Variants in RSRC1 observed in about 807,000 individuals in gnomAD.
The protein encoded by RSRC1 is arginine and serine rich coiled-coil 1, also known as serine/Arginine-related protein 53.
A neutral mutation model predicts 49.1 loss-of-function variants in RSRC1; 39 were observed. The observed-to-expected ratio is 0.79, with a 90% confidence interval of 0.61 to 1.04. The LOEUF (loss-of-function observed/expected upper bound fraction) is 1.04, where lower values mean the gene tolerates loss of function less well. Among genes scored for constraint, RSRC1 ranks in the 50% least tolerant of loss-of-function variants. RSRC1 has a pLI of 0.00. For missense variants in RSRC1, 388 were observed against 402.4 expected (o/e 0.96, Z 0.31); for synonymous variants, 143 against 130.8 (o/e 1.09, Z -0.63).
At chr3:158,474,404 G>A (rs950495723) in intron 7 of RSRC1, among the ~76,000 whole-genome samples, 1 of 152,186 alleles carries the variant, frequency 6.6e-6, no homozygotes, top group Non-Finnish European at 1.5e-5. Flanking sequence ...TGAGCCTTCA[G>A]CAAGTTGCAG....
chr3:158,119,780 A>G lies in RSRC1; in HGVS notation c.-2-2323A>G, dbSNP rs1237687552. ...CTGAATTATGTTTGTATTTAAATGT[A>G]TGTTTGTATTTACATATATATACAT... On this transcript the variant is annotated intron_variant, in intron 1 of 9. Coordinates refer to ENST00000611884, the MANE Select transcript of RSRC1 (RefSeq NM_001271838.2). 2.7e-5 allele frequency among the ~76,000 whole-genome samples: 4 copies of G among 150,356 alleles called. No homozygotes were observed. In the East Asian group the frequency reaches 7.8e-4, roughly 29 times the overall value.
intron 4 of RSRC1, among the ~76,000 whole-genome samples, chr3:158,272,195 A>G (rs1165208171): frequency 6.6e-6 from 1 of 152,126 alleles, no homozygotes; most frequent in Non-Finnish European, 1.5e-5. Flanking sequence ...TTCCCTGCAC[A>G]ACTTTTTGTG....
chr3:158,133,742 A>G (rs1716185834), intron 3 of RSRC1, among the ~76,000 whole-genome samples: 1 of 152,204 alleles, frequency 6.6e-6, no homozygotes, highest in Non-Finnish European at 1.5e-5. Flanking sequence ...ATCATATTAG[A>G]TGCTGATGTG....
chr3:158,302,780 G>A, intron 5 of RSRC1: 1 of 147,664 alleles, frequency 6.8e-6, no homozygotes, highest in Non-Finnish European at 1.5e-5. Context: ...TCCTGTCTCA[G>A]CCTCCTGAGT....
chr3:158,339,576 GA>G (rs1160089219), intron 5 of RSRC1, among the ~76,000 whole-genome samples: 1 of 152,072 alleles, frequency 6.6e-6, no homozygotes, highest in Non-Finnish European at 1.5e-5. Context: ...CCAGCTCTTT[GA>G]GTTGGATGAA....
At chr3:158,367,090 C>A (rs1437230418) in intron 6 of RSRC1, among the ~76,000 whole-genome samples, 1 of 152,168 alleles carries the variant, frequency 6.6e-6, no homozygotes, top group Admixed American at 6.5e-5. Context: ...CATCTGCAAA[C>A]AGCAACAATT....
chr3:158,214,760 G>A (rs1221925628), intron 4 of RSRC1, among the ~76,000 whole-genome samples: 1 of 151,554 alleles, frequency 6.6e-6, no homozygotes, highest in East Asian at 1.9e-4. Flanking sequence ...ACTGATTCTA[G>A]CTTCATTTCA....
chr3:158,336,455 G>A (rs1047375793), intron 5 of RSRC1: 1 of 159,024 alleles, frequency 6.3e-6, no homozygotes, highest in Non-Finnish European at 1.4e-5. Flanking sequence ...AGGGTCACTG[G>A]GGTGAGACCA....
In RSRC1 at chr3:158,444,737, A is replaced by G. The variant is rs554841046; in HGVS notation, c.584-16198A>G. Among the ~76,000 whole-genome samples, 3 of 152,292 alleles carry G rather than the reference A, an allele frequency of 2.0e-5. No individual in the cohort carries two copies. The East Asian group carries it at 5.8e-4, about 29-fold the overall frequency. On this transcript the variant is annotated intron_variant, in intron 6 of 9. Coordinates refer to ENST00000611884, the MANE Select transcript of RSRC1 (RefSeq NM_001271838.2). ...TGAACAGGCAACCTGCAGAGTAGGA[A>G]AATTTTTTGCAATCTACTCATCTGA...
At chr3:158,259,789 C>G (rs1051591842) in intron 4 of RSRC1, among the ~76,000 whole-genome samples, 26 of 152,164 alleles carry the variant, frequency 1.7e-4, no homozygotes, top group African/African-American at 6.3e-4. Context: ...ACCTAAGCTG[C>G]AAGGCAAAGT....
chr3:158,191,528 G>A (rs1175550808), intron 3 of RSRC1, among the ~76,000 whole-genome samples: 1 of 151,970 alleles, frequency 6.6e-6, no homozygotes, highest in Non-Finnish European at 1.5e-5. Context: ...TTTATGTAGA[G>A]ATGTTGCAGG....
chr3:158,356,385 A>G (rs1211795458), intron 6 of RSRC1, among the ~76,000 whole-genome samples: 1 of 152,098 alleles, frequency 6.6e-6, no homozygotes, highest in African/African-American at 2.4e-5. Context: ...TCCACAGTCT[A>G]AAGATTGGGA....
At chr3:158,528,243 G>T (rs1317545479) in intron 7 of RSRC1, among the ~76,000 whole-genome samples, 3 of 151,900 alleles carry the variant, frequency 2.0e-5, no homozygotes, top group Non-Finnish European at 2.9e-5. Flanking sequence ...CAGCGTAAAA[G>T]AATAGCATAA....
At chr3:158,277,909 C>T (rs1725907636) in intron 4 of RSRC1, among the ~76,000 whole-genome samples, 1 of 152,168 alleles carries the variant, frequency 6.6e-6, no homozygotes, top group Non-Finnish European at 1.5e-5. Flanking sequence ...ACTCAGCCCC[C>T]ACCTAGTAGT....
intron 7 of RSRC1, among the ~76,000 whole-genome samples, chr3:158,523,888 C>A (rs547237551): frequency 1.2e-4 from 18 of 152,144 alleles, no homozygotes; most frequent in African/African-American, 3.9e-4. Context: ...AAGTATTGTT[C>A]TTTGGCCCTC....
chr3:158,364,349 A>C (rs1477446856), intron 6 of RSRC1, among the ~76,000 whole-genome samples: 1 of 152,098 alleles, frequency 6.6e-6, no homozygotes, highest in Non-Finnish European at 1.5e-5. Flanking sequence ...CTTTCATGTT[A>C]GGGCAAACCC....
intron 7 of RSRC1, among the ~76,000 whole-genome samples, chr3:158,505,811 A>G (rs938071588): frequency 9.8e-5 from 14 of 142,932 alleles, no homozygotes; most frequent in Admixed American, 4.2e-4. Flanking sequence ...AGTAAAGGGA[A>G]CAGCATTTGT....
At chr3:158,162,620 C>T (rs1718297938) in intron 3 of RSRC1, among the ~76,000 whole-genome samples, 1 of 152,118 alleles carries the variant, frequency 6.6e-6, no homozygotes, top group South Asian at 2.1e-4. Context: ...CTGTAAGGAA[C>T]CATTGCTTCT....
chr3:158,194,052 TATACACACACACACACAC>T (rs1172135306), intron 3 of RSRC1, among the ~76,000 whole-genome samples: 1 of 112,920 alleles, frequency 8.9e-6, no homozygotes, highest in Non-Finnish European at 1.7e-5. Context: ...AGACCCCGTC[TATACACACACACACACAC>T]ACACACACAC....
Sources: allele counts gnomAD v4.1 joint callset (sites outside exome capture counted in the v4.1 genomes callset), GRCh38; gene constraint gnomAD v4.1.1; transcripts MANE v1.5; gene names NCBI Gene and HGNC (gene_info 2026-07-23, HGNC 2026-07-21).